ELAVL4: variants seen among roughly 807,000 people sequenced by gnomAD.
ELAVL4 encodes the protein ELAV like RNA binding protein 4.
Under a neutral mutation model 35.6 loss-of-function variants are expected in ELAVL4, and 1 was observed. That is an observed-to-expected ratio of 0.03 (90% CI 0.01 to 0.13). The LOEUF (loss-of-function observed/expected upper bound fraction) is 0.13, where lower values mean the gene tolerates loss of function less well. Ranked by LOEUF, ELAVL4 falls within the 10% of genes least tolerant of loss-of-function variation. The probability of loss-of-function intolerance (pLI) is 1.00; values close to 1 mark genes in which losing one functional copy is unlikely to be tolerated. For missense variants in ELAVL4, 267 were observed against 464.9 expected (o/e 0.57, Z 3.91); for synonymous variants, 156 against 171.0 (o/e 0.91, Z 0.69).
chr1:50,175,547 T>TAA (rs766535780), intron 2 of ELAVL4: 8 of 152,180 alleles, frequency 5.3e-5, no homozygotes, highest in Non-Finnish European at 7.3e-5. Flanking sequence ...GCATGTCTGG[T>TAA]AAAGTTTGCC....
chr1:50,054,399 T>C (rs184173977), intron 1 of ELAVL4, among the ~76,000 whole-genome samples: 14 of 152,276 alleles, frequency 9.2e-5, no homozygotes, highest in Admixed American at 5.9e-4. Context: ...GCCAGGGGAA[T>C]TAATTTTTCA....
intron 2 of ELAVL4, among the ~76,000 whole-genome samples, chr1:50,165,427 GAT>G (rs145697099): frequency 6.1e-5 from 9 of 147,038 alleles, no homozygotes; most frequent in African/African-American, 7.6e-5. Context: ...ACTAACAGGA[GAT>G]ATATATATAT....
rs374580009 is a variant in ELAVL4, at chr1:50,197,419, C to T, written c.735-10C>T. 1.3e-6 allele frequency: 2 copies of T among 1,591,992 alleles called. No individual in the cohort carries two copies. Among genetic ancestry groups the T allele is most frequent in the African/African-American group, 2.7e-5 (2 of 73,080 alleles). On this transcript the variant is annotated splice_polypyrimidine_tract_variant and intron_variant, in intron 5 of 6. Transcript: ENST00000371824. ...AGGCATTAACCCAGAGACCCTCCTT[C>T]TCTTTGCAGGCTGGACAATTTGCTT...
intron 3 of ELAVL4, among the ~76,000 whole-genome samples, chr1:50,193,027 T>A (rs1012003961): frequency 1.3e-5 from 2 of 152,178 alleles, no homozygotes; most frequent in African/African-American, 4.8e-5. Context: ...CTCTTCTCTC[T>A]CTCTACTGCC....
At chr1:50,120,112 T>C (rs938492121) in intron 1 of ELAVL4, among the ~76,000 whole-genome samples, 1 of 151,764 alleles carries the variant, frequency 6.6e-6, no homozygotes, top group East Asian at 1.9e-4. Flanking sequence ...ATATTCTAGA[T>C]GCATCCTGGA....
rs748723276 is a variant in ELAVL4 at position 50,144,995 on chromosome 1, G to A, written c.48G>A (p.Pro16=). The A allele has an allele frequency of 5.0e-6, 8 of 1,613,592 alleles. No homozygotes were observed. The highest frequency in any genetic ancestry group is 3.3e-5 in the South Asian group (3 of 91,042). The change falls in exon 2 of 7, where the codon CCG becomes CCA. Residue 16 remains proline, a synonymous_variant. Coordinates refer to ENST00000371824, the MANE Select transcript of ELAVL4 (RefSeq NM_001144774.3). Reference sequence around the variant, plus strand: ...TGGAGCCTCAGGTGTCAAATGGTCCGACATCCAATACAAGCAATGGACCCT... The same window carrying A: ...TGGAGCCTCAGGTGTCAAATGGTCCAACATCCAATACAAGCAATGGACCCT... The part of the protein sequence containing the change: ...STMEPQVSNG[P]TSNTSNGPSS...
intron 1 of ELAVL4, among the ~76,000 whole-genome samples, chr1:50,132,886 G>T (rs1170854126): frequency 1.3e-5 from 2 of 152,148 alleles, no homozygotes; most frequent in Non-Finnish European, 2.9e-5. Context: ...ACAATCACCT[G>T]TAATTCTGCC....
At chr1:50,081,072 A>G (rs1217337102) in intron 1 of ELAVL4, among the ~76,000 whole-genome samples, 2 of 152,188 alleles carry the variant, frequency 1.3e-5, no homozygotes, top group Non-Finnish European at 2.9e-5. Flanking sequence ...GCTTTCTGAC[A>G]AAAGGAAAAC....
At chr1:50,141,656 C>G (rs1424706026) in intron 1 of ELAVL4, 1 of 152,336 alleles carries the variant, frequency 6.6e-6, no homozygotes, top group African/African-American at 2.4e-5. Flanking sequence ...ACCCTTGCCT[C>G]GAAGGCAAAG....
intron 1 of ELAVL4, among the ~76,000 whole-genome samples, chr1:50,118,582 G>A (rs544760307): frequency 6.6e-6 from 1 of 152,110 alleles, no homozygotes; most frequent in South Asian, 2.1e-4. Flanking sequence ...AAGGGGTAAT[G>A]GGTCGCGTCA....
chr1:50,067,956 A>G (rs768560205), intron 1 of ELAVL4, among the ~76,000 whole-genome samples: 3 of 152,190 alleles, frequency 2.0e-5, no homozygotes, highest in Non-Finnish European at 4.4e-5. Context: ...CATGGAGGTA[A>G]CTGCCGCCAT....
chr1:50,120,886 G>C (rs969779480), intron 1 of ELAVL4, among the ~76,000 whole-genome samples: 29 of 152,038 alleles, frequency 1.9e-4, no homozygotes, highest in Admixed American at 1.9e-3. Context: ...TGGCCAGAGA[G>C]AAGATGGTGG....
At chr1:50,189,142 T>C (rs1682278649) in intron 3 of ELAVL4, among the ~76,000 whole-genome samples, 1 of 152,232 alleles carries the variant, frequency 6.6e-6, no homozygotes, top group Non-Finnish European at 1.5e-5. Context: ...TTTATCCTCC[T>C]CATTGCACCC....
At chr1:50,099,580 A>G (rs1665875002), upstream of ELAVL4, among the ~76,000 whole-genome samples, 1 of 149,660 alleles carries the variant, frequency 6.7e-6, no homozygotes, top group Non-Finnish European at 1.5e-5. Flanking sequence ...AAAAAAAAAA[A>G]GAAAGAAAAA....
chr1:50,075,081 C>T (rs1364640365), intron 1 of ELAVL4, among the ~76,000 whole-genome samples: 1 of 152,054 alleles, frequency 6.6e-6, no homozygotes, highest in Non-Finnish European at 1.5e-5. Flanking sequence ...TAAGCAGAGA[C>T]ATAATGGAAT....
chr1:50,098,095 T>C (rs569186331), intron 1 of ELAVL4, among the ~76,000 whole-genome samples: 254 of 152,240 alleles, frequency 1.7e-3, no homozygotes, highest in African/African-American at 5.8e-3. Flanking sequence ...GCTAGCAAAA[T>C]TTTTTGCAAG....
rs558587268 is a variant in ELAVL4, at chr1:50,174,487, T to TG, written c.251-2601dup. On this transcript the variant is annotated intron_variant, in intron 2 of 6. Coordinates refer to ENST00000371824, the MANE Select transcript of ELAVL4 (RefSeq NM_001144774.3). The stretch of plus-strand genomic sequence containing the variant: ...AAATGATGTTCATCTGTTTTTTGTT[T>TG]GTTTTTTTTTTTTTCATTTTCCCAA... 6 of 136,026 alleles carry TG rather than the reference T, an allele frequency of 4.4e-5. No individual in the cohort carries two copies. The South Asian group carries it at 1.0e-3, about 23-fold the overall frequency. The allele number at this position is 136,026 out of a possible 1,614,324, so 8.4% of individuals were successfully genotyped here.
intron 1 of ELAVL4, among the ~76,000 whole-genome samples, chr1:50,121,122 T>G (rs1397385765): frequency 6.6e-6 from 1 of 152,072 alleles, no homozygotes; most frequent in East Asian, 1.9e-4. Context: ...GGGGTTTTGT[T>G]TTTATCTCTG....
chr1:50,089,216 A>C (rs897607701), intron 1 of ELAVL4, among the ~76,000 whole-genome samples: 1 of 152,222 alleles, frequency 6.6e-6, no homozygotes, highest in Non-Finnish European at 1.5e-5. Context: ...CAGTGTGAAA[A>C]GGGCTGTAAT....
Sources: allele counts gnomAD v4.1 joint callset (sites outside exome capture counted in the v4.1 genomes callset), GRCh38; gene constraint gnomAD v4.1.1; transcripts MANE v1.5; gene names NCBI Gene and HGNC (gene_info 2026-07-23, HGNC 2026-07-21).